MYRIP: variants seen among roughly 807,000 people sequenced by gnomAD.
MYRIP encodes rab effector MyRIP.
In MYRIP, 49 loss-of-function variants were observed where a neutral mutation model predicts 98.0. That is an observed-to-expected ratio of 0.50 (90% CI 0.40 to 0.63). The LOEUF (loss-of-function observed/expected upper bound fraction) is 0.63. Ranked by LOEUF, MYRIP falls within the 30% of genes least tolerant of loss-of-function variation. The pLI is 0.00. For missense variants in MYRIP, 1,004 were observed against 1,058.2 expected (o/e 0.95, Z 0.71); for synonymous variants, 404 against 409.5 (o/e 0.99, Z 0.16).
intron 3 of MYRIP, among the ~76,000 whole-genome samples, chr3:40,134,287 T>C (rs1328592519): frequency 2.0e-5 from 3 of 152,164 alleles, no homozygotes; most frequent in Non-Finnish European, 2.9e-5. Context: ...CGCTCATTGC[T>C]AGCACAGCAG....
At chr3:40,224,038 C>T (rs1443842547) in intron 11 of MYRIP, among the ~76,000 whole-genome samples, 2 of 152,100 alleles carry the variant, frequency 1.3e-5, no homozygotes, top group East Asian at 3.9e-4. Context: ...TGGAGATGAC[C>T]TTGACAAGTC....
chr3:39,899,592 G>A (rs1943699133), intron 1 of MYRIP, among the ~76,000 whole-genome samples: 1 of 152,076 alleles, frequency 6.6e-6, no homozygotes, highest in African/African-American at 2.4e-5. Flanking sequence ...ATATACCTAA[G>A]TGTGGCAGAA....
At chr3:40,125,843 C>T (rs2125914404) in intron 3 of MYRIP, among the ~76,000 whole-genome samples, 1 of 152,300 alleles carries the variant, frequency 6.6e-6, no homozygotes, top group East Asian at 1.9e-4. Flanking sequence ...ACATTAATGG[C>T]AGTTGTCATG....
In MYRIP at chr3:40,258,448, A is replaced by G. The variant is rs918364938; in HGVS notation, c.*282A>G. ...CAGCAGCGCTCCATGTTTAAGATAC[A>G]TATTTTCCCTGTTTGCTTTGCTACT... On this transcript the variant is annotated 3_prime_UTR_variant, in exon 17 of 17. Coordinates refer to ENST00000302541, the MANE Select transcript of MYRIP (RefSeq NM_015460.4). 8 of 402,642 alleles carry G rather than the reference A, an allele frequency of 2.0e-5. No individual in the cohort carries two copies. Among genetic ancestry groups the G allele is most frequent in the Non-Finnish European group, 3.2e-5 (7 of 222,138 alleles). The allele number at this position is 402,642 out of a possible 1,614,324, so 24.9% of individuals were successfully genotyped here. A position where few individuals can be genotyped will look rare whatever the true frequency, so the allele number is the denominator to read the frequency against.
chr3:40,050,309 T>C (rs983171724), intron 3 of MYRIP, among the ~76,000 whole-genome samples: 5 of 152,180 alleles, frequency 3.3e-5, no homozygotes, highest in Non-Finnish European at 7.4e-5. Flanking sequence ...GTGCTCATTT[T>C]AGCACTCCAA....
At chr3:39,846,417 G>C (rs1941968629) in intron 1 of MYRIP, among the ~76,000 whole-genome samples, 1 of 152,062 alleles carries the variant, frequency 6.6e-6, no homozygotes, top group South Asian at 2.1e-4. Context: ...CCCTATGAGG[G>C]CTGTGAAGGT....
At chr3:40,218,612 TTATATATATATA>T (rs751894190) in intron 11 of MYRIP, among the ~76,000 whole-genome samples, 19 of 13,544 alleles carry the variant, frequency 1.4e-3, no homozygotes, top group African/African-American at 2.4e-3. Flanking sequence ...TATATATATT[TTATATATATATA>T]TATATATATA....
At chr3:40,043,521 A>AGTGCCTCGATCTGCCCATCACCC (rs1947594236) in intron 2 of MYRIP, among the ~76,000 whole-genome samples, 1 of 152,100 alleles carries the variant, frequency 6.6e-6, no homozygotes, top group African/African-American at 2.4e-5. Flanking sequence ...ATGAATCACC[A>AGTGCCTCGATCTGCCCATCACCC]GTGCCTCGAT....
intron 3 of MYRIP, among the ~76,000 whole-genome samples, chr3:40,099,526 C>A (rs1168784529): frequency 6.6e-6 from 1 of 152,150 alleles, no homozygotes; most frequent in Admixed American, 6.5e-5. Flanking sequence ...TACTCTCCAT[C>A]ACAGTATATG....
intron 3 of MYRIP, among the ~76,000 whole-genome samples, chr3:40,112,664 T>C (rs754747686): frequency 2.6e-5 from 4 of 152,174 alleles, no homozygotes; most frequent in African/African-American, 4.8e-5. Flanking sequence ...AGGGTTGACA[T>C]ATTGGCACGT....
intron 11 of MYRIP, among the ~76,000 whole-genome samples, chr3:40,217,081 G>A (rs1342076473): frequency 1.3e-5 from 2 of 152,154 alleles, no homozygotes; most frequent in Non-Finnish European, 2.9e-5. Context: ...TACAAAACCT[G>A]AACAGACCAC....
chr3:40,156,851 G>A (rs1287116091), intron 4 of MYRIP, among the ~76,000 whole-genome samples: 4 of 151,970 alleles, frequency 2.6e-5, no homozygotes, highest in Admixed American at 6.6e-5. Flanking sequence ...TTTGTATCCT[G>A]AAGACTTTGC....
chr3:40,073,519 G>A (rs950578164), intron 3 of MYRIP, among the ~76,000 whole-genome samples: 2 of 152,234 alleles, frequency 1.3e-5, no homozygotes, highest in East Asian at 3.8e-4. Context: ...TGATGCGCAT[G>A]CTGCGGGGCT....
chr3:40,247,001 G>A (rs573139082), intron 13 of MYRIP, among the ~76,000 whole-genome samples: 5 of 150,976 alleles, frequency 3.3e-5, no homozygotes, highest in Admixed American at 6.6e-5. Flanking sequence ...TTTCACCCAA[G>A]ACTTAATCAA....
At chr3:39,977,169 C>A (rs1334151801) in intron 2 of MYRIP, among the ~76,000 whole-genome samples, 1 of 152,002 alleles carries the variant, frequency 6.6e-6, no homozygotes, top group Non-Finnish European at 1.5e-5. Context: ...CCACTTCCCT[C>A]CTCACGTTAT....
intron 11 of MYRIP, among the ~76,000 whole-genome samples, chr3:40,215,808 C>A (rs9826617): frequency 0.14 from 21,241 of 152,142 alleles, 3,167 homozygotes; most frequent in African/African-American, 0.38. Flanking sequence ...CCAAACTACA[C>A]TGATTTCAAT....
intron 8 of MYRIP, among the ~76,000 whole-genome samples, chr3:40,171,624 T>C (rs1470293589): frequency 2.0e-5 from 3 of 152,210 alleles, no homozygotes; most frequent in Non-Finnish European, 4.4e-5. Flanking sequence ...CTGCCACTCC[T>C]GGGGTAGGAT....
chr3:39,915,831 G>A (rs933698385), intron 2 of MYRIP, among the ~76,000 whole-genome samples: 13 of 151,034 alleles, frequency 8.6e-5, no homozygotes, highest in South Asian at 2.1e-4. Flanking sequence ...TAAACAAATC[G>A]TTGATATTAA....
chr3:40,243,400 T>TA (rs10655936), intron 12 of MYRIP, among the ~76,000 whole-genome samples: 124,538 of 135,202 alleles, frequency 0.92, 57,587 homozygotes, highest in Non-Finnish European at 0.95. Context: ...TCACTAAGTG[T>TA]AAAAAAAAAA....
Sources: allele counts gnomAD v4.1 joint callset (sites outside exome capture counted in the v4.1 genomes callset), GRCh38; gene constraint gnomAD v4.1.1; transcripts MANE v1.5; gene names NCBI Gene and HGNC (gene_info 2026-07-23, HGNC 2026-07-21).